ABCC4: variants seen among roughly 807,000 people sequenced by gnomAD.
The protein encoded by ABCC4 is ATP-binding cassette sub-family C member 4.
A neutral mutation model predicts 168.5 loss-of-function variants in ABCC4; 102 were observed. The observed-to-expected ratio is 0.61, with a 90% confidence interval of 0.52 to 0.71. The LOEUF (loss-of-function observed/expected upper bound fraction) is 0.71, where lower values mean the gene tolerates loss of function less well. Among genes scored for constraint, ABCC4 ranks in the 30% least tolerant of loss-of-function variants. The pLI is 0.00. For synonymous variants in ABCC4, 617 were observed against 590.7 expected (o/e 1.04, Z -0.65); for missense variants, 1,402 against 1,605.8 (o/e 0.87, Z 2.17).
intron 17 of ABCC4, 40 bp downstream of exon 17, chr13:95,163,570 A>G: frequency 6.4e-7 from 1 of 1,567,324 alleles, no homozygotes; most frequent in Non-Finnish European, 8.8e-7. Flanking sequence ...CTTCTTACTG[A>G]TTTTGGAGTA....
intron 26 of ABCC4, among the ~76,000 whole-genome samples, chr13:95,056,800 A>G (rs900928818): frequency 6.6e-5 from 10 of 152,226 alleles, no homozygotes; most frequent in Admixed American, 3.3e-4. Context: ...CTTAAAAACT[A>G]CTTAGCTTTT....
intron 27 of ABCC4, among the ~76,000 whole-genome samples, chr13:95,047,077 G>A (rs2032609256): frequency 6.6e-6 from 1 of 152,194 alleles, no homozygotes; most frequent in African/African-American, 2.4e-5. Flanking sequence ...TATAAGAGAG[G>A]AAGCAAATGT....
intron 20 of ABCC4, among the ~76,000 whole-genome samples, chr13:95,086,381 CACA>C (rs1194995077): frequency 6.6e-6 from 1 of 151,870 alleles, no homozygotes; most frequent in African/African-American, 2.4e-5. Flanking sequence ...AACCTCAGGA[CACA>C]AAATGAAGGT....
intron 3 of ABCC4, among the ~76,000 whole-genome samples, chr13:95,245,249 G>A (rs969912198): frequency 3.3e-5 from 5 of 152,192 alleles, no homozygotes; most frequent in African/African-American, 1.2e-4. Flanking sequence ...GGTGACAAAG[G>A]GAAACTAGAG....
intron 6 of ABCC4, among the ~76,000 whole-genome samples, chr13:95,209,110 A>G (rs569673433): frequency 2.2e-4 from 33 of 152,358 alleles, no homozygotes; most frequent in African/African-American, 7.7e-4. Context: ...AATGGAGCCT[A>G]TGAAACATTT....
intron 13 of ABCC4, among the ~76,000 whole-genome samples, chr13:95,176,231 G>GCT (rs1566493737): frequency 1.6e-5 from 1 of 63,550 alleles, no homozygotes; most frequent in African/African-American, 6.2e-5. Flanking sequence ...GGCAGGGGGG[G>GCT]GGGGGGGGGG....
intron 30 of ABCC4, among the ~76,000 whole-genome samples, chr13:95,027,419 T>C (rs2031603652): frequency 6.6e-6 from 1 of 152,220 alleles, no homozygotes; most frequent in Non-Finnish European, 1.5e-5. Context: ...TTCTATTCCA[T>C]TGTATTCTAT....
At chr13:95,216,781 T>C (rs950977306) in intron 4 of ABCC4, among the ~76,000 whole-genome samples, 3 of 152,140 alleles carry the variant, frequency 2.0e-5, no homozygotes, top group Admixed American at 6.6e-5. Flanking sequence ...TCTGGACTTG[T>C]AGGGAGCTCT....
chr13:95,169,274 C>G (rs1203978066), intron 14 of ABCC4, among the ~76,000 whole-genome samples: 1 of 152,206 alleles, frequency 6.6e-6, no homozygotes, highest in Non-Finnish European at 1.5e-5. Flanking sequence ...AACTGACACA[C>G]TAGACCAACC....
chr13:95,199,545 G>C (rs1471822704), intron 8 of ABCC4, among the ~76,000 whole-genome samples: 1 of 152,144 alleles, frequency 6.6e-6, no homozygotes, highest in Non-Finnish European at 1.5e-5. Flanking sequence ...TGATTTTGCA[G>C]CCATAAGGAC....
At chr13:95,117,459 G>A (rs2035418920) in intron 19 of ABCC4, among the ~76,000 whole-genome samples, 1 of 152,110 alleles carries the variant, frequency 6.6e-6, no homozygotes, top group Admixed American at 6.5e-5. Context: ...CCAGCTTCCG[G>A]GGGCCCTTCT....
At chr13:95,293,242 C>A (rs1241186846) in intron 1 of ABCC4, among the ~76,000 whole-genome samples, 5 of 151,906 alleles carry the variant, frequency 3.3e-5, no homozygotes, top group African/African-American at 1.2e-4. Context: ...TCTGTAATCC[C>A]AGCTACTTGG....
chr13:95,190,769 T>A (rs966877130), intron 9 of ABCC4, among the ~76,000 whole-genome samples: 56 of 152,316 alleles, frequency 3.7e-4, no homozygotes, highest in African/African-American at 1.3e-3. Context: ...AAGCAGCACA[T>A]TTATAATCTT....
At chr13:95,158,303 A>G (rs1279956407) in intron 19 of ABCC4, among the ~76,000 whole-genome samples, 2 of 152,086 alleles carry the variant, frequency 1.3e-5, no homozygotes, top group African/African-American at 4.8e-5. Flanking sequence ...GGGATGGCAC[A>G]CTGGGGTGGG....
At chr13:95,283,368 T>G (rs1484984631) in intron 1 of ABCC4, among the ~76,000 whole-genome samples, 3 of 69,028 alleles carry the variant, frequency 4.3e-5, no homozygotes, top group African/African-American at 1.7e-4. Flanking sequence ...GTGGTTTTTT[T>G]TTTTTTTTTT....
At chr13:95,255,914 T>C (rs1013881584) in intron 1 of ABCC4, among the ~76,000 whole-genome samples, 1 of 152,124 alleles carries the variant, frequency 6.6e-6, no homozygotes, top group African/African-American at 2.4e-5. Context: ...GCCTTTCACT[T>C]CTTCACAGGG....
chr13:95,200,981 C>T (rs17268163), intron 8 of ABCC4, among the ~76,000 whole-genome samples: 22,842 of 152,176 alleles, frequency 0.15, 2,234 homozygotes, highest in Non-Finnish European at 0.22. Context: ...GTTTACCATA[C>T]GAGCGCCAAC....
chr13:95,176,148 T>C (rs1354495349), intron 13 of ABCC4, among the ~76,000 whole-genome samples: 1 of 124,062 alleles, frequency 8.1e-6, no homozygotes, highest in Non-Finnish European at 1.6e-5. Context: ...ACTTCTTCCA[T>C]TTAAAAAAAA....
intron 29 of ABCC4, among the ~76,000 whole-genome samples, chr13:95,037,769 C>T (rs1378948880): frequency 6.6e-6 from 1 of 152,130 alleles, no homozygotes; most frequent in Non-Finnish European, 1.5e-5. Flanking sequence ...AAAAAGTTCA[C>T]CTATTCACTT....
Sources: allele counts gnomAD v4.1 joint callset (sites outside exome capture counted in the v4.1 genomes callset), GRCh38; gene constraint gnomAD v4.1.1; transcripts MANE v1.5; gene names NCBI Gene and HGNC (gene_info 2026-07-23, HGNC 2026-07-21).